UVSSA: variants seen among roughly 807,000 people sequenced by gnomAD.
UVSSA encodes UV stimulated scaffold protein A.
UVSSA carries 72 observed loss-of-function variants against 73.9 expected under a neutral mutation model. The observed-to-expected ratio is 0.97, with a 90% CI of 0.81 to 1.19. The LOEUF (loss-of-function observed/expected upper bound fraction) is 1.19, where lower values mean the gene tolerates loss of function less well. Among genes scored for constraint, UVSSA ranks in the 50% most tolerant of loss-of-function variants. The probability of loss-of-function intolerance (pLI) is 0.00; values close to 1 mark genes in which losing one functional copy is unlikely to be tolerated. For missense variants in UVSSA, 1,150 were observed against 965.0 expected (o/e 1.19, Z -2.54); for synonymous variants, 454 against 391.3 (o/e 1.16, Z -1.89).
Position 1,386,784 on chromosome 4 carries a change from CAT to C in UVSSA, c.*825_*826del, listed in dbSNP as rs1203083817. ...CCCAGGCTGAGTGCAGTGGCAGAAT[CAT>C]AGCTCAGTGCAGCCTCAAACTCCTG... On this transcript the variant is annotated 3_prime_UTR_variant, in exon 14 of 14. Coordinates refer to ENST00000389851, the MANE Select transcript of UVSSA (RefSeq NM_020894.4). The C allele has an allele frequency of 2.6e-5, 4 of 151,502 alleles. No individual in the cohort carries two copies. Among genetic ancestry groups the C allele is most frequent in the Admixed American group, 1.3e-4 (2 of 15,170 alleles). 9.4% of individuals were successfully genotyped at this position (151,502 alleles called of 1,614,324 possible).
At chr4:1,367,803 C>T (rs574148949) in intron 8 of UVSSA, among the ~76,000 whole-genome samples, 1 of 152,322 alleles carries the variant, frequency 6.6e-6, no homozygotes, top group African/African-American at 2.4e-5. Context: ...CCCCTTCCCC[C>T]ACCGAGACGC....
upstream of UVSSA, among the ~76,000 whole-genome samples, chr4:1,342,471 T>C (rs1484698638): frequency 6.6e-6 from 1 of 152,282 alleles, no homozygotes; most frequent in Non-Finnish European, 1.5e-5. Context: ...ATTTATACTT[T>C]ATTGACTGTC....
At chr4:1,354,899 T>C (rs1253360740) in intron 6 of UVSSA, 52 bp downstream of exon 6, 11 of 1,309,500 alleles carry the variant, frequency 8.4e-6, no homozygotes, top group South Asian at 1.2e-5. Context: ...CAGAGTGCCA[T>C]GCATGGGGGG....
In UVSSA at chr4:1,366,436, G is replaced by A. The variant is rs367715181; in HGVS notation, c.1288+5G>A. The A allele has an allele frequency of 3.1e-6, 5 of 1,602,878 alleles. No individual in the cohort carries two copies. The highest frequency in any genetic ancestry group is 1.7e-5 in the Admixed American group (1 of 58,386). ...ACCACTTGCGGCCTGAGTATGGTGA[G>A]CAGTGGGTCCCGTGGGGGGGGCACC... On this transcript the variant is annotated splice_donor_5th_base_variant and intron_variant, in intron 8 of 13. Coordinates refer to ENST00000389851, the MANE Select transcript of UVSSA (RefSeq NM_020894.4).
Position 1,380,238 on chromosome 4 carries a change from C to G in UVSSA, c.1752+8C>G, listed in dbSNP as rs765878179. 1 of 1,606,134 alleles carries G rather than the reference C, an allele frequency of 6.2e-7. No homozygotes were observed. On this transcript the variant is annotated splice_region_variant and intron_variant, in intron 11 of 13. Coordinates refer to ENST00000389851, the MANE Select transcript of UVSSA (RefSeq NM_020894.4). Reference sequence around the variant, plus strand: ...CGCCAAGACCGGCTGAAGGTGAGGCCGTGGCCCGAGGGCGGGGGTGGGTGT... The same window carrying G: ...CGCCAAGACCGGCTGAAGGTGAGGCGGTGGCCCGAGGGCGGGGGTGGGTGT...
At chr4:1,365,106 C>T (rs1416216277) in intron 7 of UVSSA, among the ~76,000 whole-genome samples, 1 of 152,344 alleles carries the variant, frequency 6.6e-6, no homozygotes, top group East Asian at 1.9e-4. Context: ...TGATGCCCAC[C>T]GTGTGGCCAT....
intron 10 of UVSSA, 126 bp downstream of exon 10, chr4:1,376,294 C>T: frequency 7.4e-7 from 1 of 1,360,494 alleles, no homozygotes; most frequent in Non-Finnish European, 9.6e-7. Flanking sequence ...AGCTCTGCCC[C>T]ACCTTCCGGG....
chr4:1,376,616 C>G (rs1196902156), intron 10 of UVSSA, among the ~76,000 whole-genome samples: 2 of 152,216 alleles, frequency 1.3e-5, no homozygotes, highest in East Asian at 3.9e-4. Flanking sequence ...AAGCCACCCT[C>G]CCTGCCCACT....
Position 1,349,651 on chromosome 4 carries a change from C to T in UVSSA, c.226C>T (p.Arg76Trp), listed in dbSNP as rs1228743373. 13 of 1,613,958 alleles carry T rather than the reference C, an allele frequency of 8.1e-6. No homozygotes were observed. The highest frequency in any genetic ancestry group is 1.0e-5 in the Non-Finnish European group (12 of 1,180,016). ...EELFVRSHQF[R>W]MLVVSNFQEF... ...ACTCTTCGTCAGGTCTCACCAGTTC[C>T]GGATGCTGGTTGTTTCCAACTTCCA... The change falls in exon 3 of 14, where the codon CGG (arginine) becomes TGG (tryptophan). Residue 76 changes from arginine to tryptophan, a missense_variant. Arg to Trp is a moderately radical substitution (Grantham distance 101). Transcript: ENST00000389851.
At chr4:1,389,204 A>AT (rs1720343085), downstream of UVSSA, 1 of 152,026 alleles carries the variant, frequency 6.6e-6, no homozygotes, top group African/African-American at 2.4e-5. Flanking sequence ...ATTAAAAAAA[A>AT]TTTTTTTAAC....
intron 2 of UVSSA, among the ~76,000 whole-genome samples, chr4:1,348,606 CG>C (rs1560415405): frequency 1.3e-5 from 2 of 152,262 alleles, no homozygotes; most frequent in East Asian, 3.9e-4. Flanking sequence ...AGGAAAACGC[CG>C]GAGGGGATCT....
At chr4:1,382,157 C>T (rs762053255) in intron 12 of UVSSA, among the ~76,000 whole-genome samples, 10 of 152,222 alleles carry the variant, frequency 6.6e-5, no homozygotes, top group Non-Finnish European at 1.3e-4. Context: ...GGCAGCAGCT[C>T]AGCCCTGGGC....
intron 8 of UVSSA, among the ~76,000 whole-genome samples, chr4:1,373,656 T>C (rs1347263684): frequency 6.6e-6 from 1 of 152,148 alleles, no homozygotes; most frequent in Non-Finnish European, 1.5e-5. Flanking sequence ...TCCAGGAAAA[T>C]GTGGCTCATT....
chr4:1,364,651 C>T (rs1243643661), intron 7 of UVSSA, among the ~76,000 whole-genome samples: 2 of 152,164 alleles, frequency 1.3e-5, no homozygotes, highest in African/African-American at 4.8e-5. Flanking sequence ...ATTCCTCCAA[C>T]AGGGATCTCT....
intron 11 of UVSSA, chr4:1,380,630 G>A (rs1241551702): frequency 1.3e-6 from 2 of 1,516,538 alleles, no homozygotes; most frequent in Admixed American, 4.0e-5. Flanking sequence ...TGCTGGATGA[G>A]GGAGGCCTAG....
chr4:1,381,118 T>A, intron 12 of UVSSA, 130 bp downstream of exon 12: 1 of 873,534 alleles, frequency 1.1e-6, no homozygotes, highest in Non-Finnish European at 1.7e-6. Context: ...TACAAGCCTC[T>A]CGGTCATAAC....
At chr4:1,356,046 C>T (rs562668825) in intron 7 of UVSSA, among the ~76,000 whole-genome samples, 2 of 152,224 alleles carry the variant, frequency 1.3e-5, no homozygotes, top group South Asian at 2.1e-4. Flanking sequence ...AGGTACACAG[C>T]GGCCACCCTG....
intron 3 of UVSSA, among the ~76,000 whole-genome samples, chr4:1,350,072 G>A (rs981662696): frequency 6.6e-6 from 1 of 152,192 alleles, no homozygotes; most frequent in Non-Finnish European, 1.5e-5. Flanking sequence ...AGCTCTGAGA[G>A]GAAGAGCATA....
At chr4:1,377,385 G>A (rs906486948) in intron 10 of UVSSA, among the ~76,000 whole-genome samples, 2 of 152,212 alleles carry the variant, frequency 1.3e-5, no homozygotes, top group African/African-American at 4.8e-5. Flanking sequence ...AGATTTGAGG[G>A]CCCCGTCCTC....
Sources: gnomAD v4.1 joint callset for allele counts (sites outside exome capture counted in the v4.1 genomes callset) on GRCh38, gnomAD v4.1.1 for gene constraint, MANE v1.5 for transcripts, NCBI Gene and HGNC (gene_info 2026-07-23, HGNC 2026-07-21) for gene names.